Variants in TNFSF13B observed in about 807,000 individuals in gnomAD.
The protein encoded by TNFSF13B is TNF superfamily member 13b.
TNFSF13B carries 8 observed loss-of-function variants against 29.1 expected under a neutral mutation model. That is an observed-to-expected ratio of 0.27 (90% CI 0.16 to 0.50). The LOEUF is 0.50. Ranked by LOEUF, TNFSF13B falls within the 20% of genes least tolerant of loss-of-function variation. The pLI is 0.98. For synonymous variants in TNFSF13B, 125 were observed against 130.8 expected (o/e 0.96, Z 0.30); for missense variants, 248 against 334.9 (o/e 0.74, Z 2.03).
intron 2 of TNFSF13B, among the ~76,000 whole-genome samples, chr13:108,283,120 G>T (rs1279878088): frequency 2.6e-5 from 4 of 152,202 alleles, no homozygotes; most frequent in African/African-American, 9.7e-5. Flanking sequence ...CTAATCTCCA[G>T]CCTAAGACCA....
At position 108,303,237 on chromosome 13, in the gene TNFSF13B, A is replaced by G. The variant is rs1243214325; in HGVS notation, c.482-16A>G. ...TTCTTGGTTTCTTTCCTTATAAATG[A>G]TTCTCTTCATTGCAGGATCTTACAC... On this transcript the variant is annotated splice_polypyrimidine_tract_variant and intron_variant, in intron 3 of 5. Coordinates refer to ENST00000375887, the MANE Select transcript of TNFSF13B (RefSeq NM_006573.5). 3.2e-6 allele frequency: 5 copies of G among 1,562,094 alleles called. No individual in the cohort carries two copies. In the Admixed American group the frequency reaches 5.4e-5, roughly 17 times the overall value.
intron 2 of TNFSF13B, among the ~76,000 whole-genome samples, chr13:108,272,490 T>A (rs1431231949): frequency 6.6e-6 from 1 of 152,116 alleles, no homozygotes; most frequent in African/African-American, 2.4e-5. Flanking sequence ...AGTGTTTTGT[T>A]TTAACTCATT....
intron 3 of TNFSF13B, among the ~76,000 whole-genome samples, chr13:108,292,408 C>T (rs1220970678): frequency 6.6e-6 from 1 of 151,958 alleles, no homozygotes; most frequent in Admixed American, 6.6e-5. Context: ...GAGTAGTGAT[C>T]CTGTGAACAT....
In TNFSF13B at chr13:108,307,254, G is replaced by A. The variant is rs1024639317; in HGVS notation, c.*316G>A. On this transcript the variant is annotated 3_prime_UTR_variant, in exon 6 of 6. Coordinates refer to ENST00000375887, the MANE Select transcript of TNFSF13B (RefSeq NM_006573.5). ...GTCATAGCTTCTTATCTTGGAGGAA[G>A]GACACAATTCAAAGGGGCAGTAAGG... 2 of 212,022 alleles carry A rather than the reference G, an allele frequency of 9.4e-6. No individual in the cohort carries two copies. Among genetic ancestry groups the A allele is most frequent in the Non-Finnish European group, 9.3e-6 (1 of 107,812 alleles). The allele number at this position is 212,022 out of a possible 1,614,324, so 13.1% of individuals were successfully genotyped here.
chr13:108,277,683 T>A (rs1391769309), intron 2 of TNFSF13B, among the ~76,000 whole-genome samples: 1 of 152,222 alleles, frequency 6.6e-6, no homozygotes, highest in African/African-American at 2.4e-5. Context: ...TATTTCTTGA[T>A]GATATGCTAA....
chr13:108,307,951 A>C lies in TNFSF13B; in HGVS notation c.*1013A>C, dbSNP rs1881826460. The C allele has an allele frequency of 6.6e-6, 1 of 152,098 alleles. No homozygotes were observed. Among genetic ancestry groups the C allele is most frequent in the Non-Finnish European group, 1.5e-5 (1 of 67,978 alleles). The allele number at this position is 152,098 out of a possible 1,614,324, so 9.4% of individuals were successfully genotyped here. ...CTTGGCATCCTGAAGTATGTCACAT[A>C]GCATGTGCTCCTTATAAATATGTTG... On this transcript the variant is annotated 3_prime_UTR_variant, in exon 6 of 6. Coordinates refer to ENST00000375887, the MANE Select transcript of TNFSF13B (RefSeq NM_006573.5).
At chr13:108,301,530 G>A (rs999342803) in intron 3 of TNFSF13B, among the ~76,000 whole-genome samples, 1 of 152,128 alleles carries the variant, frequency 6.6e-6, no homozygotes, top group African/African-American at 2.4e-5. Context: ...TATAACAAGT[G>A]AAATAAGCAC....
intron 3 of TNFSF13B, among the ~76,000 whole-genome samples, chr13:108,294,183 A>ATTTT (rs111754666): frequency 6.9e-6 from 1 of 144,014 alleles, no homozygotes; most frequent in Non-Finnish European, 1.5e-5. Flanking sequence ...AAATTCATGG[A>ATTTT]TTTTTTTTTT....
chr13:108,300,268 G>A (rs979445719), intron 3 of TNFSF13B, among the ~76,000 whole-genome samples: 1 of 152,066 alleles, frequency 6.6e-6, no homozygotes, highest in African/African-American at 2.4e-5. Flanking sequence ...GTTTAAATTT[G>A]AATTCATTAA....
Position 108,307,016 on chromosome 13 carries a change from C to CAAAAAAAAAA in TNFSF13B, c.*100_*109dup, listed in dbSNP as rs58093140. 2.0e-4 allele frequency: 15 copies of CAAAAAAAAAA among 76,690 alleles called. No individual in the cohort carries two copies. Among genetic ancestry groups the CAAAAAAAAAA allele is most frequent in the Non-Finnish European group, 2.2e-4 (9 of 40,980 alleles). 4.8% of individuals were successfully genotyped at this position (76,690 alleles called of 1,614,324 possible). A position where few individuals can be genotyped will look rare whatever the true frequency, so the allele number is the denominator to read the frequency against. ...GAAGAAAGAATCTAACTGAAAATAC[C>CAAAAAAAAAA]AAAAAAAAAAAAAAAAAAAAAAAAA... On this transcript the variant is annotated 3_prime_UTR_variant, in exon 6 of 6. Transcript: ENST00000375887.
intron 2 of TNFSF13B, among the ~76,000 whole-genome samples, chr13:108,273,687 A>G (rs1880682904): frequency 6.6e-6 from 1 of 152,212 alleles, no homozygotes; most frequent in African/African-American, 2.4e-5. Flanking sequence ...TCAGTTGGAT[A>G]TTGCAGTAAA....
chr13:108,306,272 TA>T (rs1224636717), intron 5 of TNFSF13B, among the ~76,000 whole-genome samples: 2 of 152,114 alleles, frequency 1.3e-5, no homozygotes, highest in Non-Finnish European at 1.5e-5. Context: ...GTAATCCAGA[TA>T]ATGCTTAAAT....
chr13:108,291,441 A>G (rs9555452), intron 3 of TNFSF13B, among the ~76,000 whole-genome samples: 8,435 of 151,800 alleles, frequency 0.056, 424 homozygotes, highest in East Asian at 0.2. Flanking sequence ...AAGTTCTTGC[A>G]TATTTCTTAT....
At chr13:108,271,013 C>T (rs1034625642) in intron 2 of TNFSF13B, among the ~76,000 whole-genome samples, 5 of 151,286 alleles carry the variant, frequency 3.3e-5, no homozygotes, top group Non-Finnish European at 5.9e-5. Flanking sequence ...CTTTAAGGTA[C>T]GCTTTTCCAG....
intron 2 of TNFSF13B, among the ~76,000 whole-genome samples, chr13:108,275,270 C>A (rs1051855381): frequency 4.6e-5 from 7 of 152,000 alleles, no homozygotes; most frequent in African/African-American, 1.7e-4. Flanking sequence ...ACATTTTGAA[C>A]ATCACTTAAC....
At chr13:108,270,448 T>C in intron 2 of TNFSF13B, 24 bp downstream of exon 2, 1 of 1,606,982 alleles carries the variant, frequency 6.2e-7, no homozygotes, top group Non-Finnish European at 8.5e-7. Flanking sequence ...ACAGACACTT[T>C]TAGGAGTCAG....
intron 5 of TNFSF13B, 112 bp from the exon 6 acceptor site, chr13:108,306,714 G>A: frequency 1.6e-6 from 1 of 614,882 alleles, no homozygotes; most frequent in Admixed American, 3.3e-5. Flanking sequence ...ATTTTGAAGT[G>A]TGAATGCCTA....
At chr13:108,298,884 T>C (rs1284754849) in intron 3 of TNFSF13B, among the ~76,000 whole-genome samples, 1 of 145,366 alleles carries the variant, frequency 6.9e-6, no homozygotes, top group African/African-American at 2.6e-5. Context: ...GGCAGGAGAA[T>C]CACTCGAACC....
intron 3 of TNFSF13B, 113 bp from the exon 4 acceptor site, chr13:108,303,140 T>TC (rs1253743650): frequency 7.9e-6 from 6 of 755,132 alleles, no homozygotes; most frequent in Non-Finnish European, 1.2e-5. Context: ...TTTCTTTCTT[T>TC]TTTTTTTAGG....
Sources: allele counts gnomAD v4.1 joint callset (sites outside exome capture counted in the v4.1 genomes callset), GRCh38; gene constraint gnomAD v4.1.1; transcripts MANE v1.5; gene names NCBI Gene and HGNC (gene_info 2026-07-23, HGNC 2026-07-21).